Variants in GABRE observed in about 807,000 individuals in gnomAD.
The protein encoded by GABRE is gamma-aminobutyric acid type A receptor subunit epsilon, also known as gamma-aminobutyric acid receptor subunit epsilon.
A neutral mutation model predicts 31.0 loss-of-function variants in GABRE; 20 were observed. The observed-to-expected ratio is 0.64, with a 90% confidence interval of 0.45 to 0.94. GABRE has a LOEUF of 0.94. Among genes scored for constraint, GABRE ranks in the 40% least tolerant of loss-of-function variants. GABRE has a pLI of 0.00. For missense variants in GABRE, 420 were observed against 410.7 expected, an observed-to-expected ratio of 1.02 and a Z score of -0.20; for synonymous variants, 155 against 150.6, an observed-to-expected ratio of 1.03 and a Z score of -0.21.
In GABRE at chrX:151,974,619, A is replaced by C; in HGVS notation, c.7T>G (p.Ser3Ala). The change falls in exon 1 of 9, where the codon TCC becomes GCC. Residue 3 changes from serine to alanine, a missense_variant. Physicochemically the swap from Ser to Ala is moderately conservative, Grantham distance 99 (BLOSUM62 1). Transcript: ENST00000370328. ML[S>A]KVLPVLLGIL... ...CCTAGGAGGACTGGAAGAACTTTGGACAACATTTCCGCGGAGACCGGCGCG... is the reference window on the plus strand; with the variant it reads ...CCTAGGAGGACTGGAAGAACTTTGGCCAACATTTCCGCGGAGACCGGCGCG... 8.5e-7 allele frequency: 1 copy of C among 1,175,370 alleles called. No homozygotes were observed. The highest frequency in any genetic ancestry group is 1.1e-6 in the Non-Finnish European group (1 of 876,030).
At chrX:151,972,457 A>T (rs1007416161) in intron 1 of GABRE, 6 of 751,947 alleles carry the variant, frequency 8.0e-6, no homozygotes, top group Non-Finnish European at 9.4e-6. Flanking sequence ...AACGTGGCAC[A>T]ATCAGAACTG....
chrX:151,962,424 T>C lies in GABRE; in HGVS notation c.562A>G (p.Arg188Gly). 8.3e-7 allele frequency: 1 copy of C among 1,204,495 alleles called. No individual in the cohort carries two copies. Among genetic ancestry groups the C allele is most frequent in the Non-Finnish European group, 1.1e-6 (1 of 889,968 alleles). Residue 188 changes from arginine (R) to glycine (G), a missense_variant and splice_region_variant, in exon 4 of 9, where the codon AGG becomes GGG. Transcript: ENST00000370328. ...YKDGKVLYTI[R>G]MTIDAGCSLH... is the part of the protein sequence containing the mutation. ...TGAGACTCCAGAGGCTTGACATACCTAATTGTGTACAACACCTTGCCATCC... is the reference window on the plus strand; with the variant it reads ...TGAGACTCCAGAGGCTTGACATACCCAATTGTGTACAACACCTTGCCATCC...
At position 151,954,175 on chromosome X, in the gene GABRE, A is replaced by T. The variant is rs1201857603; in HGVS notation, c.*526T>A. 8.8e-6 allele frequency: 1 copy of T among 113,117 alleles called. No individual in the cohort carries two copies. Among genetic ancestry groups the T allele is most frequent in the Admixed American group, 9.4e-5 (1 of 10,686 alleles). The allele number at this position is 113,117 out of a possible 1,213,427, so 9.3% of individuals were successfully genotyped here. On this transcript the variant is annotated 3_prime_UTR_variant, in exon 9 of 9. Transcript: ENST00000370328. ...AGAGAACTGAGAACATAATAATCTG[A>T]CCAAAGGAGAGGGATCTCTTCCTCC...
intron 1 of GABRE, chrX:151,972,563 C>A: frequency 1.3e-6 from 1 of 753,988 alleles, no homozygotes; most frequent in Non-Finnish European, 1.6e-6. Context: ...GAGATCCTCC[C>A]CGCTGCCCCA....
chrX:151,965,381 T>C (rs768452899), intron 3 of GABRE, among the ~76,000 whole-genome samples: 2 of 111,754 alleles, frequency 1.8e-5, no homozygotes, highest in Admixed American at 1.9e-4. Flanking sequence ...TCAACAATGA[T>C]ATTGAATAGG....
Position 151,970,241 on chromosome X carries a change from C to A in GABRE, c.218G>T (p.Arg73Leu), listed in dbSNP as rs752130096. Reference sequence around the variant, plus strand: ...ATTACTCAGGATAGTGTTCAGGATGCGAGAGGCTTCTGGCAGTTTGCCAAC... The same window carrying A: ...ATTACTCAGGATAGTGTTCAGGATGAGAGAGGCTTCTGGCAGTTTGCCAAC... The part of the protein sequence containing the change: ...SRVGKLPEAS[R>L]ILNTILSNYD... Residue 73 changes from arginine (R) to leucine (L), a missense_variant, in exon 2 of 9, where the codon CGC (arginine) becomes CTC (leucine). Physicochemically the swap from Arg to Leu is moderately radical, Grantham distance 102. Transcript: ENST00000370328. 8.3e-7 allele frequency: 1 copy of A among 1,211,841 alleles called. No individual in the cohort carries two copies.
At chrX:151,965,639 A>AT (rs1487826566) in intron 3 of GABRE, among the ~76,000 whole-genome samples, 1 of 112,857 alleles carries the variant, frequency 8.9e-6, no homozygotes, top group Non-Finnish European at 1.9e-5. Context: ...CCAAGGTCCA[A>AT]TTTTCTCTGC....
intron 4 of GABRE, among the ~76,000 whole-genome samples, chrX:151,962,043 A>G (rs192577037): frequency 4.9e-4 from 54 of 111,265 alleles, no homozygotes; most frequent in Non-Finnish European, 5.8e-4. Flanking sequence ...TACCTTTGCC[A>G]CTACCGTGCT....
At chrX:151,961,915 C>T (rs1429104799) in intron 4 of GABRE, among the ~76,000 whole-genome samples, 4 of 112,200 alleles carry the variant, frequency 3.6e-5, no homozygotes, top group South Asian at 3.7e-4. Context: ...GGAGCAACTT[C>T]GATCGGCTTT....
chrX:151,970,478 A>C (rs1192955284), intron 1 of GABRE, 76 bp from the exon 2 acceptor site: 1 of 1,097,332 alleles, frequency 9.1e-7, no homozygotes, highest in East Asian at 3.1e-5. Context: ...TTGGGACAGA[A>C]GCAAACCAAA....
rs762847812 is a variant in GABRE, at chrX:151,974,658, A to G, written c.-33T>C. ...GAGACCGGCGCGACCACCTGCGCGG[A>G]GGTCGCGGCTCACGCTCTGGCCGCA... On this transcript the variant is annotated 5_prime_UTR_variant, in exon 1 of 9. Transcript: ENST00000370328. 34 of 1,092,007 alleles carry G rather than the reference A, an allele frequency of 3.1e-5. No individual in the cohort carries two copies. The East Asian group carries it at 1.0e-3, about 33-fold the overall frequency. 90.0% of individuals were successfully genotyped at this position (1,092,007 alleles called of 1,213,427 possible). A position where few individuals can be genotyped will look rare whatever the true frequency, so the allele number is the denominator to read the frequency against.
chrX:151,959,164 G>A (rs1422151491), intron 6 of GABRE: 1 of 298,213 alleles, frequency 3.4e-6, no homozygotes, highest in African/African-American at 2.7e-5. Context: ...GAACATAAGT[G>A]AAGGTGCTCA....
intron 1 of GABRE, among the ~76,000 whole-genome samples, chrX:151,973,004 G>T (rs982738394): frequency 5.6e-5 from 6 of 107,517 alleles, no homozygotes; most frequent in Non-Finnish European, 1.2e-4. Context: ...GAGAAGTGGG[G>T]GGGGGAGGGG....
intron 1 of GABRE, among the ~76,000 whole-genome samples, chrX:151,973,121 A>G (rs2472327): frequency 0.077 from 8,569 of 110,709 alleles, 856 homozygotes; most frequent in African/African-American, 0.27. Flanking sequence ...CCCAAGTCAC[A>G]CAACTAATTT....
At position 151,954,497 on chromosome X, in the gene GABRE, T is replaced by C; in HGVS notation, c.*204A>G. Reference sequence around the variant, plus strand: ...CCCATTTATTAATAATTTGAAATGGTCTGCTGAGAAGACTCAGTGAATGGG... The same window carrying C: ...CCCATTTATTAATAATTTGAAATGGCCTGCTGAGAAGACTCAGTGAATGGG... On this transcript the variant is annotated 3_prime_UTR_variant, in exon 9 of 9. Coordinates refer to ENST00000370328, the MANE Select transcript of GABRE (RefSeq NM_004961.4). The C allele has an allele frequency of 2.6e-6, 1 of 387,472 alleles. No individual in the cohort carries two copies. Among genetic ancestry groups the C allele is most frequent in the Non-Finnish European group, 4.5e-6 (1 of 223,070 alleles). 31.9% of individuals were successfully genotyped at this position (387,472 alleles called of 1,213,427 possible). A position where few individuals can be genotyped will look rare whatever the true frequency, so the allele number is the denominator to read the frequency against.
intron 3 of GABRE, among the ~76,000 whole-genome samples, chrX:151,966,203 T>C (rs1934519031): frequency 8.9e-6 from 1 of 112,704 alleles, no homozygotes; most frequent in South Asian, 3.7e-4. Context: ...GAGCTTGCGA[T>C]GTACATCCCT....
At chrX:151,967,356 T>C (rs1934555412) in intron 3 of GABRE, among the ~76,000 whole-genome samples, 1 of 111,994 alleles carries the variant, frequency 8.9e-6, no homozygotes, top group Admixed American at 9.4e-5. Flanking sequence ...CTGGGAGCCA[T>C]GAGGTTACTG....
intron 3 of GABRE, among the ~76,000 whole-genome samples, chrX:151,964,706 A>C (rs1022242856): frequency 9.0e-6 from 1 of 111,716 alleles, no homozygotes; most frequent in Non-Finnish European, 1.9e-5. Flanking sequence ...TTCCCCTTTC[A>C]GCTTTTATTT....
At chrX:151,962,992 T>C (rs1362692698) in intron 3 of GABRE, among the ~76,000 whole-genome samples, 1 of 111,913 alleles carries the variant, frequency 8.9e-6, no homozygotes, top group African/African-American at 3.2e-5. Context: ...AAAGTTTGCC[T>C]TAAACAAAGC....
Sources: allele counts gnomAD v4.1 joint callset (sites outside exome capture counted in the v4.1 genomes callset), GRCh38; gene constraint gnomAD v4.1.1; transcripts MANE v1.5; gene names NCBI Gene and HGNC (gene_info 2026-07-23, HGNC 2026-07-21).